ARB2A: variants seen among roughly 807,000 people sequenced by gnomAD.
ARB2A encodes the protein cotranscriptional regulator ARB2A.
At chr5:93,629,443 G>T in the ARB2A span, among the ~76,000 whole-genome samples, 15 of 152,054 alleles carry the variant, frequency 9.9e-5, 1 homozygote, top group Non-Finnish European at 2.9e-5. Flanking sequence ...TTGACACAGG[G>T]TTGCTGCAAA....
At chr5:93,917,516 T>C in the ARB2A span, among the ~76,000 whole-genome samples, 2 of 152,166 alleles carry the variant, frequency 1.3e-5, no homozygotes, top group African/African-American at 4.8e-5. Flanking sequence ...AATGTTTGCA[T>C]GATTGTTATG....
the ARB2A span, among the ~76,000 whole-genome samples, chr5:93,782,350 T>C: frequency 6.6e-6 from 1 of 152,158 alleles, no homozygotes; most frequent in South Asian, 2.1e-4. Flanking sequence ...TTGTCTCCAA[T>C]TCAATTATGA....
chr5:94,058,616 T>C, the ARB2A span, among the ~76,000 whole-genome samples: 6 of 152,196 alleles, frequency 3.9e-5, no homozygotes, highest in African/African-American at 1.2e-4. Flanking sequence ...GAAGATGAGA[T>C]GAATGAACTT....
chr5:93,778,825 TGTTA>T, the ARB2A span, among the ~76,000 whole-genome samples: 1 of 152,220 alleles, frequency 6.6e-6, no homozygotes, highest in Non-Finnish European at 1.5e-5. Context: ...TTTTCTAAAT[TGTTA>T]CTTTAAAAAG....
At chr5:94,064,303 A>C in the ARB2A span, among the ~76,000 whole-genome samples, 76 of 152,308 alleles carry the variant, frequency 5.0e-4, no homozygotes, top group African/African-American at 1.7e-3. Context: ...TCAATCAGAC[A>C]AAAAATAAAG....
chr5:93,706,891 C>A, the ARB2A span, among the ~76,000 whole-genome samples: 1 of 149,674 alleles, frequency 6.7e-6, no homozygotes, highest in African/African-American at 2.5e-5. Flanking sequence ...GGCCAGGATT[C>A]TTTTTCACTT....
At chr5:93,651,959 CA>C in the ARB2A span, among the ~76,000 whole-genome samples, 1 of 151,932 alleles carries the variant, frequency 6.6e-6, no homozygotes, top group Admixed American at 6.6e-5. Flanking sequence ...AAAATGACCT[CA>C]GAACAACGAA....
At chr5:93,681,477 T>C in the ARB2A span, among the ~76,000 whole-genome samples, 2 of 152,118 alleles carry the variant, frequency 1.3e-5, no homozygotes, top group Non-Finnish European at 2.9e-5. Context: ...TCGTCTGCCT[T>C]AGTTCCCACC....
At chr5:93,813,224 T>C in the ARB2A span, among the ~76,000 whole-genome samples, 1 of 152,188 alleles carries the variant, frequency 6.6e-6, no homozygotes, top group African/African-American at 2.4e-5. Flanking sequence ...GAGAAACATG[T>C]TACCGGACAA....
the ARB2A span, among the ~76,000 whole-genome samples, chr5:93,675,957 T>G: frequency 6.6e-6 from 1 of 152,336 alleles, no homozygotes; most frequent in East Asian, 1.9e-4. Flanking sequence ...TTTGTGTACT[T>G]TGGAATGCTG....
the ARB2A span, among the ~76,000 whole-genome samples, chr5:93,856,774 T>C: frequency 2.0e-5 from 3 of 152,128 alleles, no homozygotes; most frequent in South Asian, 6.2e-4. Flanking sequence ...AGCCTTCTTC[T>C]CTCAACTCAT....
the ARB2A span, among the ~76,000 whole-genome samples, chr5:93,750,717 G>A: frequency 1.3e-5 from 2 of 151,850 alleles, no homozygotes; most frequent in South Asian, 2.1e-4. Context: ...TTGTAGAGAC[G>A]GGTCTCACTA....
chr5:93,746,965 G>A, the ARB2A span, among the ~76,000 whole-genome samples: 2 of 152,140 alleles, frequency 1.3e-5, no homozygotes, highest in African/African-American at 4.8e-5. Flanking sequence ...GTTTGCCCTT[G>A]TTACAGAAGA....
chr5:93,732,109 T>C, the ARB2A span, among the ~76,000 whole-genome samples: 1 of 152,166 alleles, frequency 6.6e-6, no homozygotes, highest in Non-Finnish European at 1.5e-5. Context: ...ATAAACCATG[T>C]AGCCTCTCCC....
the ARB2A span, among the ~76,000 whole-genome samples, chr5:93,877,293 A>C: frequency 6.6e-6 from 1 of 152,102 alleles, no homozygotes. Context: ...TACTCTACAC[A>C]TAGTCTCTAA....
the ARB2A span, among the ~76,000 whole-genome samples, chr5:93,789,457 TG>T: frequency 6.6e-6 from 1 of 152,226 alleles, no homozygotes; most frequent in Non-Finnish European, 1.5e-5. Context: ...CAGATTAAGT[TG>T]TTTCAAAGGC....
chr5:93,784,288 G>A, the ARB2A span: 6 of 731,400 alleles, frequency 8.2e-6, no homozygotes. Context: ...TCTAGAAAGG[G>A]AGTTTGAGGA....
the ARB2A span, among the ~76,000 whole-genome samples, chr5:93,649,272 C>T: frequency 6.6e-6 from 1 of 152,116 alleles, no homozygotes; most frequent in Non-Finnish European, 1.5e-5. Flanking sequence ...TCACATTGGT[C>T]ACAATGATAA....
chr5:94,021,233 A>G, the ARB2A span, among the ~76,000 whole-genome samples: 2 of 152,220 alleles, frequency 1.3e-5, no homozygotes, highest in African/African-American at 4.8e-5. Context: ...TATACAGGAA[A>G]AGAGAAAAGC....
Sources: allele counts gnomAD v4.1 joint callset (sites outside exome capture counted in the v4.1 genomes callset), GRCh38; gene constraint gnomAD v4.1.1; transcripts MANE v1.5; gene names NCBI Gene and HGNC (gene_info 2026-07-23, HGNC 2026-07-21).